Variants in BCAP29 observed in about 807,000 individuals in gnomAD.
The protein encoded by BCAP29 is B-cell receptor-associated protein 29.
In BCAP29, 34 loss-of-function variants were observed where a neutral mutation model predicts 31.8. That is an observed-to-expected ratio of 1.07 (90% CI 0.81 to 1.42). The LOEUF (loss-of-function observed/expected upper bound fraction) is 1.42, where lower values mean the gene tolerates loss of function less well. Ranked by LOEUF, BCAP29 falls within the 40% of genes most tolerant of loss-of-function variation. BCAP29 has a pLI of 0.00. For synonymous variants in BCAP29, 104 were observed against 91.3 expected (o/e 1.14, Z -0.79); for missense variants, 314 against 269.2 (o/e 1.17, Z -1.16).
chr7:107,596,973 T>G (rs1246472233), intron 5 of BCAP29, among the ~76,000 whole-genome samples: 1 of 152,170 alleles, frequency 6.6e-6, no homozygotes, highest in Non-Finnish European at 1.5e-5. Flanking sequence ...CTGTCCTGAT[T>G]TGCTGCTTCC....
At chr7:107,615,598 A>G (rs901699242) in intron 7 of BCAP29, 15 of 183,440 alleles carry the variant, frequency 8.2e-5, no homozygotes, top group African/African-American at 3.6e-4. Context: ...TCCATCTCAG[A>G]AAAAAAAAAA....
intron 3 of BCAP29, among the ~76,000 whole-genome samples, chr7:107,592,749 A>G (rs896975106): frequency 6.6e-6 from 1 of 152,278 alleles, no homozygotes; most frequent in Non-Finnish European, 1.5e-5. Context: ...TTATTCAGCC[A>G]TAAAAGTAAT....
chr7:107,595,724 T>TA, intron 4 of BCAP29, 143 bp from the exon 5 acceptor site: 3 of 829,162 alleles, frequency 3.6e-6, no homozygotes, highest in Non-Finnish European at 5.3e-6. Context: ...AGACTTGAAT[T>TA]AAAAAAAGAA....
chr7:107,593,240 G>T (rs1298543975), intron 3 of BCAP29, among the ~76,000 whole-genome samples: 1 of 152,136 alleles, frequency 6.6e-6, no homozygotes, highest in African/African-American at 2.4e-5. Context: ...TTATAAGGCA[G>T]ATGCCTTCCC....
chr7:107,607,588 C>T (rs1812330289), intron 6 of BCAP29, among the ~76,000 whole-genome samples: 1 of 151,190 alleles, frequency 6.6e-6, no homozygotes, highest in Non-Finnish European at 1.5e-5. Context: ...TTGCCTCTTT[C>T]CTGTATTGAT....
In BCAP29 at chr7:107,585,787, T is replaced by C. The variant is rs1303815789; in HGVS notation, c.193+1805T>C. Among the ~76,000 whole-genome samples, 4 of 152,222 alleles carry C rather than the reference T, an allele frequency of 2.6e-5. No homozygotes were observed. The East Asian group carries it at 7.7e-4, about 29-fold the overall frequency. On this transcript the variant is annotated intron_variant, in intron 3 of 7. Coordinates refer to ENST00000005259, the MANE Select transcript of BCAP29 (RefSeq NM_018844.4). ...GGTGGATCAACCTAAGGTCAGGAAT[T>C]CCAGACCAGCTTGGCCAACGTGGTG...
chr7:107,601,646 T>C lies in BCAP29; in HGVS notation c.589+1141T>C, dbSNP rs982356814. ...TTCGAACATGATCAAGAAATGTTAT[T>C]GTTTATATGAAAATGAATTTAATAG... On this transcript the variant is annotated intron_variant, in intron 6 of 7. Transcript: ENST00000005259. 7.9e-5 allele frequency among the ~76,000 whole-genome samples: 12 copies of C among 152,356 alleles called. 1 individual carries two copies. The highest frequency in any genetic ancestry group is 6.2e-4 in the South Asian group (3 of 4,822).
chr7:107,617,741 A>G (rs1814450016), intron 7 of BCAP29, among the ~76,000 whole-genome samples: 1 of 152,250 alleles, frequency 6.6e-6, no homozygotes, highest in Non-Finnish European at 1.5e-5. Context: ...CAGCCTGAAC[A>G]AGAGCTTGAC....
chr7:107,584,523 A>G (rs1461352185), intron 3 of BCAP29, among the ~76,000 whole-genome samples: 3 of 152,206 alleles, frequency 2.0e-5, no homozygotes, highest in Non-Finnish European at 4.4e-5. Context: ...AGCCTGGGCA[A>G]CATAGCAAAA....
rs191526302 is a variant in BCAP29, at chr7:107,598,283, A to G, written c.481-2114A>G. 1.7e-3 allele frequency among the ~76,000 whole-genome samples: 263 copies of G among 152,072 alleles called. 1 individual carries two copies. Among genetic ancestry groups the G allele is most frequent in the African/African-American group, 6.1e-3 (254 of 41,318 alleles). On this transcript the variant is annotated intron_variant, in intron 5 of 7. Transcript: ENST00000005259. ...TTCAACTTGAAGTAGGCAACACATT[A>G]AAAGAGATTTGGAGAAATTTTTTTC...
chr7:107,611,780 G>GC (rs1343043123), intron 6 of BCAP29, among the ~76,000 whole-genome samples: 1 of 152,172 alleles, frequency 6.6e-6, no homozygotes, highest in Non-Finnish European at 1.5e-5. Context: ...TTAGAATTAT[G>GC]CAGCTATAGA....
chr7:107,581,682 T>C (rs1421818789), intron 2 of BCAP29, among the ~76,000 whole-genome samples: 1 of 152,148 alleles, frequency 6.6e-6, no homozygotes, highest in Non-Finnish European at 1.5e-5. Context: ...CCCACTAAAG[T>C]GTATTAAAAT....
intron 6 of BCAP29, among the ~76,000 whole-genome samples, chr7:107,601,395 G>C (rs1294264513): frequency 6.6e-6 from 1 of 152,114 alleles, no homozygotes; most frequent in Non-Finnish European, 1.5e-5. Flanking sequence ...CTAATTCTGT[G>C]AATAGAACAG....
chr7:107,614,067 T>C (rs1813700084), intron 7 of BCAP29, among the ~76,000 whole-genome samples: 1 of 152,194 alleles, frequency 6.6e-6, no homozygotes, highest in Non-Finnish European at 1.5e-5. Context: ...TCAGACACAC[T>C]CTGATCAATT....
At chr7:107,580,599 G>C (rs1806435734) in intron 1 of BCAP29, 160 bp from the exon 2 acceptor site, 1 of 545,640 alleles carries the variant, frequency 1.8e-6, no homozygotes, top group East Asian at 3.5e-5. Context: ...CGCTTCCCGG[G>C]CCACCCTTTT....
At chr7:107,590,262 CA>C (rs1166220259) in intron 3 of BCAP29, among the ~76,000 whole-genome samples, 1 of 151,980 alleles carries the variant, frequency 6.6e-6, no homozygotes, top group Non-Finnish European at 1.5e-5. Flanking sequence ...AATATTCACT[CA>C]GTTGTTTTTT....
At chr7:107,582,266 A>G (rs1320982413) in intron 2 of BCAP29, among the ~76,000 whole-genome samples, 1 of 152,152 alleles carries the variant, frequency 6.6e-6, no homozygotes. Context: ...CCAAATAAAA[A>G]TTTTACCCAT....
At chr7:107,580,648 G>A (rs979508926) in intron 1 of BCAP29, 111 bp from the exon 2 acceptor site, 15 of 702,322 alleles carry the variant, frequency 2.1e-5, no homozygotes, top group Non-Finnish European at 3.0e-5. Flanking sequence ...CTTCCCAGGT[G>A]GGGGAAGGTG....
chr7:107,600,209 T>C (rs933099240), intron 5 of BCAP29, 188 bp from the exon 6 acceptor site: 1 of 621,506 alleles, frequency 1.6e-6, no homozygotes, highest in Non-Finnish European at 2.9e-6. Context: ...GAAATCTTTT[T>C]TGTGTGTTTC....
Sources: gnomAD v4.1 joint callset for allele counts (sites outside exome capture counted in the v4.1 genomes callset) on GRCh38, gnomAD v4.1.1 for gene constraint, MANE v1.5 for transcripts, NCBI Gene and HGNC (gene_info 2026-07-23, HGNC 2026-07-21) for gene names.